Variants in NIPBL observed in about 807,000 individuals in gnomAD.
NIPBL encodes nipped-B-like protein.
NIPBL carries 19 observed loss-of-function variants against 321.8 expected under a neutral mutation model. That is an observed-to-expected ratio of 0.06 (90% CI 0.04 to 0.09). NIPBL has a LOEUF of 0.09. Among genes scored for constraint, NIPBL ranks in the 10% least tolerant of loss-of-function variants. The pLI is 1.00. For missense variants in NIPBL, 2,210 were observed against 3,327.0 expected (o/e 0.66, Z 8.26); for synonymous variants, 1,106 against 1,114.1 (o/e 0.99, Z 0.14).
Position 37,049,154 on chromosome 5 carries a change from T to C in NIPBL, c.6807T>C (p.Asp2269=), listed in dbSNP as rs746375194. The stretch of plus-strand genomic sequence containing the variant: ...AGGAAGACTTAAAAGAAATGGGTGA[T>C]GTTTCCTCAGGGATGAGTAGTTCCA... The part of the protein sequence containing the change: ...AKQEDLKEMG[D]VSSGMSSSIM... Residue 2269 remains aspartate, a synonymous_variant, in exon 40 of 47, where the codon GAT becomes GAC. Coordinates refer to ENST00000282516, the MANE Select transcript of NIPBL (RefSeq NM_133433.4). 4 of 1,614,054 alleles carry C rather than the reference T, an allele frequency of 2.5e-6. No homozygotes were observed. In the African/African-American group the frequency reaches 5.3e-5, roughly 22 times the overall value.
At chr5:36,922,635 A>G (rs1749034622) in intron 1 of NIPBL, among the ~76,000 whole-genome samples, 1 of 152,142 alleles carries the variant, frequency 6.6e-6, no homozygotes, top group Non-Finnish European at 1.5e-5. Flanking sequence ...TTGTTTTAGA[A>G]AGTCCTGGAT....
At chr5:36,952,072 G>GCGCGCA (rs1328676967) in intron 1 of NIPBL, among the ~76,000 whole-genome samples, 5 of 136,630 alleles carry the variant, frequency 3.7e-5, no homozygotes, top group Non-Finnish European at 6.6e-5. Context: ...GCGCGCGCGC[G>GCGCGCA]CATGTGTGTG....
At chr5:36,948,260 C>G (rs158791) in intron 1 of NIPBL, among the ~76,000 whole-genome samples, 88,254 of 151,718 alleles carry the variant, frequency 0.58, 28,237 homozygotes, top group African/African-American at 0.87. Context: ...AATTGGATGC[C>G]TCATGAAGGA....
intron 46 of NIPBL, chr5:37,064,272 T>C: frequency 7.3e-7 from 1 of 1,366,124 alleles, no homozygotes; most frequent in Admixed American, 3.0e-5. Context: ...TGTAGCTATA[T>C]GGTTCATATG....
At chr5:36,982,184 G>A (rs1744225736) in intron 9 of NIPBL, 4 of 971,716 alleles carry the variant, frequency 4.1e-6, no homozygotes, top group Non-Finnish European at 3.7e-6. Context: ...TATTCTGATA[G>A]CTAATCTTAT....
At chr5:36,972,423 AT>A (rs1742959418) in intron 8 of NIPBL, among the ~76,000 whole-genome samples, 1 of 151,918 alleles carries the variant, frequency 6.6e-6, no homozygotes, top group South Asian at 2.1e-4. Flanking sequence ...CACTTCTTTC[AT>A]TGATACTTTT....
At position 36,982,409 on chromosome 5, in the gene NIPBL, A is replaced by G. The variant is rs76638713; in HGVS notation, c.1496-2267A>G. Among the ~76,000 whole-genome samples the G allele has an allele frequency of 9.3e-3, 1,417 of 151,892 alleles. 21 individuals are homozygous for G. The highest frequency in any genetic ancestry group is 0.032 in the African/African-American group (1,340 of 41,526). On this transcript the variant is annotated intron_variant, in intron 9 of 46. Coordinates refer to ENST00000282516, the MANE Select transcript of NIPBL (RefSeq NM_133433.4). ...TGAATCAGACCAAGTGAATCAGAAC[A>G]TACATGCTCTTGACATACCTAAGAA...
intron 1 of NIPBL, among the ~76,000 whole-genome samples, chr5:36,950,897 T>C (rs1414676018): frequency 2.0e-5 from 3 of 149,702 alleles, no homozygotes; most frequent in African/African-American, 7.3e-5. Context: ...TAGCAACATT[T>C]CCACAGATTA....
At chr5:36,889,308 T>C (rs1746146775) in intron 1 of NIPBL, among the ~76,000 whole-genome samples, 1 of 152,156 alleles carries the variant, frequency 6.6e-6, no homozygotes, top group Non-Finnish European at 1.5e-5. Flanking sequence ...TTTTGAGTTC[T>C]TTCTACTCTT....
chr5:36,889,077 T>G (rs1746129759), intron 1 of NIPBL, among the ~76,000 whole-genome samples: 1 of 152,078 alleles, frequency 6.6e-6, no homozygotes. Flanking sequence ...TAAATGAATT[T>G]GAATATATTT....
At chr5:36,885,546 A>G (rs1177466549) in intron 1 of NIPBL, 2 of 526,742 alleles carry the variant, frequency 3.8e-6, no homozygotes, top group African/African-American at 3.8e-5. Context: ...ACCCGGGAGC[A>G]CCTGGAGAAG....
chr5:36,977,651 T>G (rs532421581), intron 9 of NIPBL, among the ~76,000 whole-genome samples: 42 of 151,630 alleles, frequency 2.8e-4, no homozygotes, highest in African/African-American at 1.0e-3. Context: ...CAGGGGTTTG[T>G]TACGTGGGTA....
chr5:36,884,633 C>T (rs555274904), intron 1 of NIPBL, among the ~76,000 whole-genome samples: 1 of 152,306 alleles, frequency 6.6e-6, no homozygotes, highest in Admixed American at 6.5e-5. Context: ...TTATCTTCAT[C>T]TGTATGTCTA....
At chr5:37,060,537 A>G (rs1348350085) in intron 44 of NIPBL, among the ~76,000 whole-genome samples, 4 of 152,180 alleles carry the variant, frequency 2.6e-5, no homozygotes, top group Non-Finnish European at 4.4e-5. Context: ...TTTTGAGGCA[A>G]TGCTAAGGAG....
chr5:37,029,876 T>C (rs1259125792), intron 32 of NIPBL, among the ~76,000 whole-genome samples: 4 of 152,222 alleles, frequency 2.6e-5, no homozygotes, highest in African/African-American at 9.6e-5. Context: ...TTTTACATGA[T>C]ATATTTGGCA....
Position 36,962,199 on chromosome 5 carries a change from G to T in NIPBL, c.535G>T (p.Ala179Ser). 6.2e-7 allele frequency: 1 copy of T among 1,613,934 alleles called. No homozygotes were observed. The highest frequency in any genetic ancestry group is 8.5e-7 in the Non-Finnish European group (1 of 1,179,940). ...QQNSPVPSPYAPQSPAGYMPY... is the reference protein window; with the variant it reads ...QQNSPVPSPYSPQSPAGYMPY... ...AAATAGCCCAGTGCCTAGTCCATAC[G>T]CCCCACAAAGCCCTGCAGGATACAT... Residue 179 changes from alanine to serine, a missense_variant, in exon 6 of 47, where the codon GCC (alanine) becomes TCC (serine). Physicochemically the swap from Ala to Ser is moderately conservative, Grantham distance 99. Around this residue, in one of 14 missense-constraint regions of NIPBL, gnomAD observed 464 missense variants for 529.5 expected, o/e 0.88. Coordinates refer to ENST00000282516, the MANE Select transcript of NIPBL (RefSeq NM_133433.4).
intron 34 of NIPBL, among the ~76,000 whole-genome samples, chr5:37,040,504 A>G (rs553847122): frequency 1.3e-5 from 2 of 152,322 alleles, no homozygotes; most frequent in Non-Finnish European, 1.5e-5. Flanking sequence ...CATATTTGGT[A>G]ATCTCACATT....
chr5:37,052,701 G>A, intron 42 of NIPBL, 135 bp downstream of exon 42: 1 of 711,614 alleles, frequency 1.4e-6, no homozygotes, highest in Admixed American at 2.6e-5. Flanking sequence ...AATCTTCTAA[G>A]TTATTTACAA....
chr5:36,886,036 C>T, intron 1 of NIPBL: 1 of 713,956 alleles, frequency 1.4e-6, no homozygotes, highest in Non-Finnish European at 2.6e-6. Context: ...TTGAGGAGAG[C>T]ACCACAGTGG....
Sources: gnomAD v4.1 joint callset for allele counts (sites outside exome capture counted in the v4.1 genomes callset) on GRCh38, gnomAD v4.1.1 for gene constraint, gnomAD v4.1.1 regional missense constraint, MANE v1.5 for transcripts, NCBI Gene and HGNC (gene_info 2026-07-23, HGNC 2026-07-21) for gene names.